ERBB4: variants seen among roughly 807,000 people sequenced by gnomAD.
The protein encoded by ERBB4 is erb-b2 receptor tyrosine kinase 4.
A neutral mutation model predicts 158.0 loss-of-function variants in ERBB4; 42 were observed. The observed-to-expected ratio is 0.27, with a 90% confidence interval of 0.21 to 0.34. The LOEUF (loss-of-function observed/expected upper bound fraction) is 0.34. ERBB4 is among the 10% of genes least tolerant of loss of function. ERBB4 has a pLI of 1.00. For missense variants in ERBB4, 1,333 were observed against 1,624.1 expected (o/e 0.82, Z 3.08); for synonymous variants, 583 against 558.7 (o/e 1.04, Z -0.61).
chr2:211,981,554 A>T (rs2081796927), intron 2 of ERBB4, among the ~76,000 whole-genome samples: 1 of 152,066 alleles, frequency 6.6e-6, no homozygotes, highest in Admixed American at 6.5e-5. Flanking sequence ...ATGACACTGA[A>T]CTTGTTTCAT....
chr2:212,334,256 A>T (rs2088323347), intron 1 of ERBB4, among the ~76,000 whole-genome samples: 1 of 151,920 alleles, frequency 6.6e-6, no homozygotes, highest in African/African-American at 2.4e-5. Flanking sequence ...TTAACTACTG[A>T]ATTCCTACTT....
At chr2:212,083,043 G>A (rs904776515) in intron 2 of ERBB4, among the ~76,000 whole-genome samples, 3 of 151,938 alleles carry the variant, frequency 2.0e-5, no homozygotes, top group African/African-American at 7.2e-5. Context: ...TATCATATAT[G>A]TTCTCACTAA....
chr2:211,614,404 T>G (rs1158188450), intron 19 of ERBB4, among the ~76,000 whole-genome samples: 1 of 152,060 alleles, frequency 6.6e-6, no homozygotes, highest in African/African-American at 2.4e-5. Flanking sequence ...AATTTTAAGA[T>G]GACTTAATGA....
At chr2:212,295,820 T>G (rs537995935) in intron 1 of ERBB4, among the ~76,000 whole-genome samples, 1 of 152,132 alleles carries the variant, frequency 6.6e-6, no homozygotes, top group African/African-American at 2.4e-5. Flanking sequence ...ATTCTTTGAT[T>G]TAAATGTTGT....
chr2:211,416,948 T>TTTGG (rs1197357981), intron 25 of ERBB4, among the ~76,000 whole-genome samples: 3 of 152,110 alleles, frequency 2.0e-5, no homozygotes, highest in African/African-American at 7.2e-5. Flanking sequence ...GCTTTTTTCG[T>TTTGG]TTGGTTAATA....
At chr2:212,191,841 T>C (rs1399576835) in intron 1 of ERBB4, among the ~76,000 whole-genome samples, 8 of 129,492 alleles carry the variant, frequency 6.2e-5, no homozygotes, top group Non-Finnish European at 8.3e-5. Context: ...TTATATATAA[T>C]ACATGTTATA....
chr2:211,990,466 G>A (rs1396480588), intron 2 of ERBB4, among the ~76,000 whole-genome samples: 1 of 151,554 alleles, frequency 6.6e-6, no homozygotes, highest in Non-Finnish European at 1.5e-5. Flanking sequence ...TATTGTGAGT[G>A]CTTACTATGT....
intron 12 of ERBB4, among the ~76,000 whole-genome samples, chr2:211,697,475 G>T (rs766688724): frequency 2.6e-5 from 4 of 151,918 alleles, no homozygotes; most frequent in Non-Finnish European, 5.9e-5. Context: ...TTTATCAAAA[G>T]ACAAATTATT....
At chr2:211,717,379 GAGTT>G (rs1281741147) in intron 7 of ERBB4, among the ~76,000 whole-genome samples, 2 of 152,162 alleles carry the variant, frequency 1.3e-5, no homozygotes, top group Admixed American at 6.5e-5. Flanking sequence ...TGCTGTCTTG[GAGTT>G]AGTGTGTCTG....
At chr2:212,519,963 G>C (rs1216530771) in intron 1 of ERBB4, among the ~76,000 whole-genome samples, 1 of 151,802 alleles carries the variant, frequency 6.6e-6, no homozygotes, top group Non-Finnish European at 1.5e-5. Context: ...TTGATGGATA[G>C]GTTAATTATT....
chr2:211,411,383 G>A (rs575669087), intron 25 of ERBB4, among the ~76,000 whole-genome samples: 2 of 152,256 alleles, frequency 1.3e-5, no homozygotes, highest in South Asian at 2.1e-4. Context: ...GAAAATCAGA[G>A]GGGTCAGAAC....
chr2:211,444,981 A>G (rs918755182), intron 20 of ERBB4, among the ~76,000 whole-genome samples: 3 of 152,270 alleles, frequency 2.0e-5, no homozygotes, highest in African/African-American at 7.2e-5. Flanking sequence ...AAATACAGTA[A>G]GAACATTCTA....
chr2:211,853,945 T>A (rs16847082), intron 3 of ERBB4, among the ~76,000 whole-genome samples: 1 of 151,950 alleles, frequency 6.6e-6, no homozygotes, highest in African/African-American at 2.4e-5. Flanking sequence ...TTTAATTCTT[T>A]ATTCAAACAA....
chr2:212,003,212 A>AGAAAGAAAGAAAGAAAGAAG (rs2076173198), intron 2 of ERBB4, among the ~76,000 whole-genome samples: 2 of 40,482 alleles, frequency 4.9e-5, no homozygotes, highest in African/African-American at 1.3e-4. Flanking sequence ...AAAGACAGAA[A>AGAAAGAAAGAAAGAAAGAAG]GAAGGAAGGA....
chr2:211,384,546 G>T (rs187797286), intron 27 of ERBB4, among the ~76,000 whole-genome samples: 1 of 151,984 alleles, frequency 6.6e-6, no homozygotes, highest in Non-Finnish European at 1.5e-5. Context: ...AGTCTCTATG[G>T]TTTGCTATGA....
At chr2:212,028,789 T>C (rs554781167) in intron 2 of ERBB4, among the ~76,000 whole-genome samples, 1 of 152,220 alleles carries the variant, frequency 6.6e-6, no homozygotes, top group African/African-American at 2.4e-5. Context: ...TTGAGAGCAT[T>C]CATTTTTATA....
At chr2:212,292,486 A>T (rs1047041556) in intron 1 of ERBB4, among the ~76,000 whole-genome samples, 2 of 152,118 alleles carry the variant, frequency 1.3e-5, no homozygotes, top group Non-Finnish European at 2.9e-5. Flanking sequence ...TAGTGATATA[A>T]TTATAGATAA....
intron 1 of ERBB4, among the ~76,000 whole-genome samples, chr2:212,251,472 T>A (rs531087138): frequency 6.6e-6 from 1 of 151,956 alleles, no homozygotes; most frequent in African/African-American, 2.4e-5. Context: ...AAACATAACA[T>A]GCTTTTGACA....
chr2:212,323,266 C>T (rs1477959577), intron 1 of ERBB4, among the ~76,000 whole-genome samples: 1 of 150,432 alleles, frequency 6.6e-6, no homozygotes, highest in Non-Finnish European at 1.5e-5. Flanking sequence ...TTAATCAGGC[C>T]TTTATTTTCT....
Sources: allele counts gnomAD v4.1 joint callset (sites outside exome capture counted in the v4.1 genomes callset), GRCh38; gene constraint gnomAD v4.1.1; transcripts MANE v1.5; gene names NCBI Gene and HGNC (gene_info 2026-07-23, HGNC 2026-07-21).